SMCHD1: variants seen among roughly 807,000 people sequenced by gnomAD.
SMCHD1 encodes structural maintenance of chromosomes flexible hinge domain containing 1.
In SMCHD1, 78 loss-of-function variants were observed where a neutral mutation model predicts 254.7. That is an observed-to-expected ratio of 0.31 (90% CI 0.26 to 0.37). The LOEUF (loss-of-function observed/expected upper bound fraction) is 0.37, where lower values mean the gene tolerates loss of function less well. SMCHD1 is among the 10% of genes least tolerant of loss of function. SMCHD1 has a pLI of 1.00. For synonymous variants in SMCHD1, 766 were observed against 794.9 expected, an observed-to-expected ratio of 0.96 and a Z score of 0.61; for missense variants, 1,840 against 2,408.1, an observed-to-expected ratio of 0.76 and a Z score of 4.94.
At chr18:2,713,983 T>A (rs1486871495) in intron 17 of SMCHD1, among the ~76,000 whole-genome samples, 1 of 152,234 alleles carries the variant, frequency 6.6e-6, no homozygotes, top group Non-Finnish European at 1.5e-5. Context: ...TTGGGTAGAA[T>A]GTTGTGTAAA....
intron 39 of SMCHD1, 45 bp downstream of exon 39, chr18:2,770,153 GA>G: frequency 1.3e-6 from 2 of 1,576,148 alleles, no homozygotes; most frequent in Non-Finnish European, 1.7e-6. Flanking sequence ...TTTGGGGAAT[GA>G]TGAGGCAGGT....
intron 17 of SMCHD1, among the ~76,000 whole-genome samples, chr18:2,709,869 T>C (rs1290453606): frequency 6.6e-6 from 1 of 152,236 alleles, no homozygotes; most frequent in Non-Finnish European, 1.5e-5. Context: ...ACTTTGTCAA[T>C]GGTGACTGTG....
At chr18:2,672,983 G>T (rs2073653394) in intron 3 of SMCHD1, 1 of 757,146 alleles carries the variant, frequency 1.3e-6, no homozygotes, top group Non-Finnish European at 1.6e-6. Context: ...ATGGTCTTCT[G>T]TTTGTCTCTT....
Position 2,775,642 on chromosome 18 carries a change from AGTTTTT to A in SMCHD1, c.5176-88_5176-83del, listed in dbSNP as rs2076054637. On this transcript the variant is annotated intron_variant, in intron 41 of 47. Coordinates refer to ENST00000320876, the MANE Select transcript of SMCHD1 (RefSeq NM_015295.3). The stretch of plus-strand genomic sequence containing the variant: ...ATTTTTAATTCATGTGTTTCAGAGA[AGTTTTT>A]GTTACCTAGGCTTGGGCTTTTAACA... The A allele has an allele frequency of 3.1e-6, 3 of 977,436 alleles. No homozygotes were observed. The East Asian group carries it at 8.9e-5, about 29-fold the overall frequency. The allele number at this position is 977,436 out of a possible 1,614,324, so 60.5% of individuals were successfully genotyped here. A position where few individuals can be genotyped will look rare whatever the true frequency, so the allele number is the denominator to read the frequency against.
At chr18:2,733,668 G>A (rs2075188859) in intron 25 of SMCHD1, among the ~76,000 whole-genome samples, 1 of 152,136 alleles carries the variant, frequency 6.6e-6, no homozygotes, top group Admixed American at 6.5e-5. Flanking sequence ...AGTAAAATTT[G>A]CCTTATGCTT....
intron 1 of SMCHD1, among the ~76,000 whole-genome samples, chr18:2,661,931 T>C (rs907064795): frequency 2.7e-4 from 34 of 128,234 alleles, no homozygotes; most frequent in African/African-American, 9.8e-4. Flanking sequence ...CCGAGGCGGG[T>C]GGATCATGAG....
intron 43 of SMCHD1, 74 bp downstream of exon 43, chr18:2,777,989 A>G: frequency 9.2e-7 from 1 of 1,081,972 alleles, no homozygotes; most frequent in Non-Finnish European, 1.3e-6. Flanking sequence ...ATTACTGATA[A>G]TGAAAATTTA....
intron 34 of SMCHD1, among the ~76,000 whole-genome samples, chr18:2,753,707 A>C (rs543315707): frequency 2.6e-5 from 4 of 151,888 alleles, no homozygotes; most frequent in Non-Finnish European, 4.4e-5. Flanking sequence ...ATGCCCAGCA[A>C]ATTTATTTAT....
chr18:2,761,931 T>A (rs564497880), intron 35 of SMCHD1, among the ~76,000 whole-genome samples, 174 bp from the exon 36 acceptor site: 115 of 152,282 alleles, frequency 7.6e-4, no homozygotes, highest in Non-Finnish European at 9.4e-4. Flanking sequence ...TGACCTAACT[T>A]TTTTATGCTG....
intron 25 of SMCHD1, among the ~76,000 whole-genome samples, chr18:2,732,695 C>A (rs1170074929): frequency 6.6e-6 from 1 of 152,128 alleles, no homozygotes; most frequent in Non-Finnish European, 1.5e-5. Context: ...CAAAATTATA[C>A]TTAGAAAAAT....
intron 3 of SMCHD1, among the ~76,000 whole-genome samples, chr18:2,668,487 A>G (rs2143813835): frequency 6.6e-6 from 1 of 152,364 alleles, no homozygotes; most frequent in South Asian, 2.1e-4. Flanking sequence ...TAGTGGAGCC[A>G]GCATTTAAAC....
rs191909728 is a variant in SMCHD1 at position 2,679,045 on chromosome 18, G to A, written c.638+4900G>A. On this transcript the variant is annotated intron_variant, in intron 5 of 47. Coordinates refer to ENST00000320876, the MANE Select transcript of SMCHD1 (RefSeq NM_015295.3). ...GTATTTTTAGTAGAGTCGAGGTTTC[G>A]CCATATTGGCCAGGCTGGTCTTGAA... Among the ~76,000 whole-genome samples the A allele has an allele frequency of 4.2e-3, 626 of 150,650 alleles. 4 individuals carry two copies. The highest frequency in any genetic ancestry group is 0.015 in the African/African-American group (605 of 41,284).
chr18:2,732,820 A>G (rs1275359610), intron 25 of SMCHD1, among the ~76,000 whole-genome samples: 1 of 152,212 alleles, frequency 6.6e-6, no homozygotes, highest in Admixed American at 6.5e-5. Context: ...CTAGCAATAA[A>G]TTGGTAGCAG....
chr18:2,739,011 C>T (rs1167395667), intron 26 of SMCHD1, among the ~76,000 whole-genome samples: 1 of 152,160 alleles, frequency 6.6e-6, no homozygotes, highest in Non-Finnish European at 1.5e-5. Context: ...ACCTCTTTTC[C>T]AATAACCTCT....
At chr18:2,746,923 C>T (rs2075464793) in intron 29 of SMCHD1, among the ~76,000 whole-genome samples, 2 of 152,146 alleles carry the variant, frequency 1.3e-5, no homozygotes, top group South Asian at 2.1e-4. Flanking sequence ...GCTGGGGAAA[C>T]AGCAAGAAGC....
chr18:2,770,748 G>A (rs1435691734), intron 39 of SMCHD1, among the ~76,000 whole-genome samples: 1 of 152,088 alleles, frequency 6.6e-6, no homozygotes, highest in Non-Finnish European at 1.5e-5. Flanking sequence ...AGCCTCCCAA[G>A]TAGCTAGGAT....
At chr18:2,790,836 G>A (rs2076308047) in intron 45 of SMCHD1, among the ~76,000 whole-genome samples, 1 of 152,154 alleles carries the variant, frequency 6.6e-6, no homozygotes, top group Admixed American at 6.5e-5. Context: ...ATATTAAGAT[G>A]AGGGATATCC....
At chr18:2,715,692 A>T (rs538323671) in intron 17 of SMCHD1, among the ~76,000 whole-genome samples, 12 of 151,750 alleles carry the variant, frequency 7.9e-5, no homozygotes, top group East Asian at 1.9e-4. Flanking sequence ...CTCTAAAAAA[A>T]TTTTTTTTTA....
In SMCHD1 at chr18:2,688,726, T is replaced by G; in HGVS notation, c.852T>G (p.Ser284Arg). 7.2e-7 allele frequency: 1 copy of G among 1,391,808 alleles called. No homozygotes were observed. Among genetic ancestry groups the G allele is most frequent in the East Asian group, 2.5e-5 (1 of 40,306 alleles). 86.2% of individuals were successfully genotyped at this position (1,391,808 alleles called of 1,614,324 possible). A position where few individuals can be genotyped will look rare whatever the true frequency, so the allele number is the denominator to read the frequency against. The change falls in exon 7 of 48, where the codon AGT becomes AGG. Residue 284 changes from serine to arginine, a missense_variant. Coordinates refer to ENST00000320876, the MANE Select transcript of SMCHD1 (RefSeq NM_015295.3). ...KKEKNKEAIYSGYIRNRKPSD... is the reference protein window; with the variant it reads ...KKEKNKEAIYRGYIRNRKPSD... ...AGAAAAATAAAGAGGCAATATATAG[T>G]GGATATATTAGAAACAGAAAGGTAC...
Sources: allele counts gnomAD v4.1 joint callset (sites outside exome capture counted in the v4.1 genomes callset), GRCh38; gene constraint gnomAD v4.1.1; transcripts MANE v1.5; gene names NCBI Gene and HGNC (gene_info 2026-07-23, HGNC 2026-07-21).